PRKD1: variants seen among roughly 807,000 people sequenced by gnomAD.
PRKD1 encodes serine/threonine-protein kinase D1.
In PRKD1, 63 loss-of-function variants were observed where a neutral mutation model predicts 95.9. That is an observed-to-expected ratio of 0.66 (90% CI 0.54 to 0.81). PRKD1 has a LOEUF of 0.81. Ranked by LOEUF, PRKD1 falls within the 30% of genes least tolerant of loss-of-function variation. The probability of loss-of-function intolerance (pLI) is 0.00; values close to 1 mark genes in which losing one functional copy is unlikely to be tolerated. For missense variants in PRKD1, 1,048 were observed against 1,165.3 expected (o/e 0.90, Z 1.47); for synonymous variants, 425 against 423.1 (o/e 1.00, Z -0.05).
At chr14:29,684,887 T>C (rs1460889545) in intron 2 of PRKD1, among the ~76,000 whole-genome samples, 2 of 152,206 alleles carry the variant, frequency 1.3e-5, no homozygotes, top group Non-Finnish European at 2.9e-5. Context: ...TTAAGCTTAT[T>C]TTAGATGGTT....
intron 13 of PRKD1, among the ~76,000 whole-genome samples, chr14:29,617,658 C>T (rs970169186): frequency 3.3e-5 from 5 of 152,084 alleles, no homozygotes; most frequent in Admixed American, 1.3e-4. Context: ...CCTTTATATG[C>T]ACTGTGATAT....
intron 13 of PRKD1, among the ~76,000 whole-genome samples, chr14:29,609,648 C>T (rs1429746253): frequency 6.6e-6 from 1 of 151,214 alleles, no homozygotes; most frequent in African/African-American, 2.4e-5. Flanking sequence ...TCAAGGAATT[C>T]TTTCACTTCA....
At chr14:29,697,540 A>T (rs1203814583) in intron 2 of PRKD1, among the ~76,000 whole-genome samples, 2 of 152,228 alleles carry the variant, frequency 1.3e-5, no homozygotes, top group African/African-American at 4.8e-5. Context: ...TAGTTTCAGG[A>T]CAGTCACTGC....
chr14:29,813,713 CAAT>C (rs1890582600), intron 1 of PRKD1, among the ~76,000 whole-genome samples: 1 of 152,178 alleles, frequency 6.6e-6, no homozygotes, highest in Admixed American at 6.5e-5. Context: ...TTAATATCAA[CAAT>C]GTCAGCATGC....
Position 29,731,867 on chromosome 14 carries a change from C to CT in PRKD1, c.265-6194dup, listed in dbSNP as rs56015138. ...TTTTTGTGCAGTCTGACAATCTCTA[C>CT]TTTTTTTTTTTTTTTTTTTTTTTTG... On this transcript the variant is annotated intron_variant, in intron 1 of 17. Transcript: ENST00000331968. 7.4e-3 allele frequency among the ~76,000 whole-genome samples: 1,063 copies of CT among 144,460 alleles called. 10 individuals carry two copies. Among genetic ancestry groups the CT allele is most frequent in the African/African-American group, 0.026 (1,013 of 38,934 alleles). 94.8% of individuals were successfully genotyped at this position (144,460 alleles called of 152,430 possible).
chr14:29,723,381 G>C (rs1207870898), intron 2 of PRKD1, among the ~76,000 whole-genome samples: 2 of 152,070 alleles, frequency 1.3e-5, no homozygotes, highest in Non-Finnish European at 2.9e-5. Context: ...TCACCTTCAG[G>C]AGAGTCAGGA....
intron 2 of PRKD1, among the ~76,000 whole-genome samples, chr14:29,689,582 G>C (rs1448020770): frequency 1.3e-5 from 2 of 152,140 alleles, no homozygotes; most frequent in African/African-American, 4.8e-5. Flanking sequence ...CAAAAATCTA[G>C]AAGCAGAAAT....
At chr14:29,918,729 T>A (rs577594835) in intron 1 of PRKD1, among the ~76,000 whole-genome samples, 23 of 152,318 alleles carry the variant, frequency 1.5e-4, no homozygotes, top group Admixed American at 1.4e-3. Context: ...AGAATTGCTA[T>A]GGAATCAAAC....
chr14:29,921,983 T>G (rs2139140794), intron 1 of PRKD1, among the ~76,000 whole-genome samples: 1 of 152,340 alleles, frequency 6.6e-6, no homozygotes, highest in African/African-American at 2.4e-5. Flanking sequence ...GTGAAAACTG[T>G]CAAATAGTAC....
intron 4 of PRKD1, among the ~76,000 whole-genome samples, chr14:29,648,460 T>A (rs548682434): frequency 6.6e-6 from 1 of 152,294 alleles, no homozygotes; most frequent in South Asian, 2.1e-4. Context: ...TTAGACATCT[T>A]TTAACTATAA....
At chr14:29,832,972 G>T (rs1891473439) in intron 1 of PRKD1, among the ~76,000 whole-genome samples, 1 of 151,814 alleles carries the variant, frequency 6.6e-6, no homozygotes, top group Non-Finnish European at 1.5e-5. Context: ...TATTACCGAG[G>T]TAACCTCCAT....
At chr14:29,661,342 A>C (rs1882178243) in intron 4 of PRKD1, among the ~76,000 whole-genome samples, 1 of 152,148 alleles carries the variant, frequency 6.6e-6, no homozygotes, top group African/African-American at 2.4e-5. Flanking sequence ...AATGGAAATT[A>C]TTCTTTAATG....
chr14:29,824,135 G>C (rs1891024432), intron 1 of PRKD1, among the ~76,000 whole-genome samples: 1 of 152,118 alleles, frequency 6.6e-6, no homozygotes, highest in South Asian at 2.1e-4. Context: ...CAGCAATTCT[G>C]TATTTGAAAG....
At chr14:29,723,440 T>G (rs1384118469) in intron 2 of PRKD1, among the ~76,000 whole-genome samples, 2 of 152,110 alleles carry the variant, frequency 1.3e-5, no homozygotes, top group Non-Finnish European at 2.9e-5. Context: ...ATCAGGCATT[T>G]GATCACAATA....
intron 1 of PRKD1, among the ~76,000 whole-genome samples, chr14:29,744,472 A>C (rs976333024): frequency 9.2e-5 from 14 of 152,226 alleles, no homozygotes; most frequent in African/African-American, 3.1e-4. Context: ...AACCTGAATT[A>C]ACTGCACAAG....
chr14:29,664,567 CAG>C (rs1243198232), intron 3 of PRKD1, among the ~76,000 whole-genome samples: 2 of 152,186 alleles, frequency 1.3e-5, no homozygotes, highest in Admixed American at 6.6e-5. Flanking sequence ...AGATTTTAGG[CAG>C]AGTTTCTTCC....
chr14:29,785,736 T>C (rs1480243554), intron 1 of PRKD1, among the ~76,000 whole-genome samples: 2 of 151,948 alleles, frequency 1.3e-5, no homozygotes, highest in Non-Finnish European at 2.9e-5. Flanking sequence ...GATGAGTTAA[T>C]GGGTGCAGCA....
At chr14:29,849,384 C>T (rs1892209657) in intron 1 of PRKD1, among the ~76,000 whole-genome samples, 2 of 152,218 alleles carry the variant, frequency 1.3e-5, no homozygotes, top group African/African-American at 4.8e-5. Context: ...TATAAGTTAC[C>T]CAGTCTAAAG....
At chr14:29,794,011 G>A (rs945768185) in intron 1 of PRKD1, among the ~76,000 whole-genome samples, 7 of 152,000 alleles carry the variant, frequency 4.6e-5, no homozygotes, top group South Asian at 2.1e-4. Flanking sequence ...CGTATTAGCC[G>A]TGTGCAAGTC....
Sources: allele counts gnomAD v4.1 joint callset (sites outside exome capture counted in the v4.1 genomes callset), GRCh38; gene constraint gnomAD v4.1.1; transcripts MANE v1.5; gene names NCBI Gene and HGNC (gene_info 2026-07-23, HGNC 2026-07-21).